CNTN4: variants seen among roughly 807,000 people sequenced by gnomAD.
CNTN4 encodes contactin 4, also known as contactin-4.
Under a neutral mutation model 122.5 loss-of-function variants are expected in CNTN4, and 77 were observed. That is an observed-to-expected ratio of 0.63 (90% CI 0.52 to 0.76). The LOEUF (loss-of-function observed/expected upper bound fraction) is 0.76. Ranked by LOEUF, CNTN4 falls within the 30% of genes least tolerant of loss-of-function variation. The probability of loss-of-function intolerance (pLI) is 0.00; values close to 1 mark genes in which losing one functional copy is unlikely to be tolerated. For missense variants in CNTN4, 1,256 were observed against 1,259.1 expected (o/e 1.00, Z 0.04); for synonymous variants, 512 against 447.0 (o/e 1.15, Z -1.83).
At chr3:2,455,573 T>C in intron 3 of CNTN4, among the ~76,000 whole-genome samples, 1 of 152,064 alleles carries the variant, frequency 6.6e-6, no homozygotes, top group Non-Finnish European at 1.5e-5. Context: ...TGGTAGTGGA[T>C]CAGAAGAAGG....
intron 12 of CNTN4, among the ~76,000 whole-genome samples, chr3:2,921,307 G>A (rs1415231997): frequency 6.6e-6 from 1 of 152,210 alleles, no homozygotes. Context: ...AAAGTGCTGG[G>A]ATTACAGGCG....
chr3:2,827,216 A>G (rs2093005504), intron 7 of CNTN4, among the ~76,000 whole-genome samples: 1 of 151,982 alleles, frequency 6.6e-6, no homozygotes, highest in Non-Finnish European at 1.5e-5. Flanking sequence ...TTCTCTCATT[A>G]CCTTTTTCAG....
chr3:2,904,041 C>A (rs1419077199), intron 12 of CNTN4, among the ~76,000 whole-genome samples: 6 of 151,902 alleles, frequency 3.9e-5, no homozygotes, highest in African/African-American at 1.5e-4. Flanking sequence ...AAAGTTAAGA[C>A]CAACAGCTTG....
At chr3:2,104,279 T>C (rs1327308490) in intron 2 of CNTN4, among the ~76,000 whole-genome samples, 3 of 151,926 alleles carry the variant, frequency 2.0e-5, no homozygotes, top group Non-Finnish European at 4.4e-5. Flanking sequence ...CTTCTTATGA[T>C]TTAATGGGGT....
intron 6 of CNTN4, among the ~76,000 whole-genome samples, chr3:2,781,656 G>A (rs2091570631): frequency 6.7e-6 from 1 of 149,854 alleles, no homozygotes; most frequent in Non-Finnish European, 1.5e-5. Context: ...GAAATACATT[G>A]TATTCCTCCA....
chr3:2,266,430 CTCTTTAAGCCTACTTT>C (rs955709812), intron 2 of CNTN4, among the ~76,000 whole-genome samples: 26 of 152,168 alleles, frequency 1.7e-4, no homozygotes, highest in Admixed American at 8.5e-4. Context: ...ACTAATTTTT[CTCTTTAAGCCTACTTT>C]TCTTCATTTC....
At position 2,760,380 on chromosome 3, in the gene CNTN4, A is replaced by AT. The variant is rs888583980; in HGVS notation, c.358+14692dup. Among the ~76,000 whole-genome samples the AT allele has an allele frequency of 1.6e-3, 236 of 151,226 alleles. 1 individual carries two copies. The highest frequency in any genetic ancestry group is 7.3e-3 in the South Asian group (35 of 4,772). ...GTTGAAGTATTCGTTCAAAAGAATG[A>AT]TTTTTTTTTCAGATTCTTTCTTTTG... On this transcript the variant is annotated intron_variant, in intron 6 of 24. Transcript: ENST00000418658.
intron 2 of CNTN4, among the ~76,000 whole-genome samples, chr3:2,234,627 C>T (rs754966557): frequency 1.3e-5 from 2 of 151,944 alleles, no homozygotes; most frequent in Admixed American, 6.6e-5. Context: ...AGGAAAAAGT[C>T]AAATAATTTT....
chr3:2,406,145 T>C (rs1337023955), intron 3 of CNTN4, among the ~76,000 whole-genome samples: 2 of 152,158 alleles, frequency 1.3e-5, no homozygotes, highest in African/African-American at 4.8e-5. Flanking sequence ...CATTTCTTAC[T>C]CTCAAAGTAT....
chr3:2,555,634 G>T (rs1362387265), intron 3 of CNTN4, among the ~76,000 whole-genome samples: 1 of 152,174 alleles, frequency 6.6e-6, no homozygotes, highest in Non-Finnish European at 1.5e-5. Flanking sequence ...ATCACAGAAG[G>T]GAAGAGAGAG....
intron 14 of CNTN4, among the ~76,000 whole-genome samples, chr3:3,004,504 A>G (rs1219679018): frequency 2.6e-5 from 4 of 152,220 alleles, no homozygotes; most frequent in African/African-American, 9.6e-5. Context: ...ATTACAGTCC[A>G]TCTGTTCCCT....
chr3:2,637,882 C>A (rs1367252754), intron 4 of CNTN4, among the ~76,000 whole-genome samples: 1 of 152,114 alleles, frequency 6.6e-6, no homozygotes, highest in Non-Finnish European at 1.5e-5. Context: ...AATGCCTAAT[C>A]TAACTTTGAT....
At chr3:2,968,636 C>T (rs1040511034) in intron 13 of CNTN4, among the ~76,000 whole-genome samples, 1 of 152,112 alleles carries the variant, frequency 6.6e-6, no homozygotes, top group East Asian at 1.9e-4. Flanking sequence ...CCACTACTAC[C>T]ACCACCACCA....
chr3:2,887,017 CTCCTTTTTATTCTTGCTATCAGTCCAG>C lies in CNTN4; in HGVS notation c.756-21_761del. On this transcript the variant is annotated splice_acceptor_variant and splice_polypyrimidine_tract_variant and coding_sequence_variant and intron_variant, in exon 10 of 25. Coordinates refer to ENST00000418658, the MANE Select transcript of CNTN4 (RefSeq NM_175607.3). LOFTEE classifies it high-confidence loss of function. ...GTCCAGTTTTCTCTAGTTTGATTCA[CTCCTTTTTATTCTTGCTATCAGTCCAG>C]TACCAACTATTATCTGGCGAAGAGC... 6.2e-7 allele frequency: 1 copy of C among 1,607,428 alleles called. No individual in the cohort carries two copies. Among genetic ancestry groups the C allele is most frequent in the East Asian group, 2.2e-5 (1 of 44,716 alleles).
intron 2 of CNTN4, among the ~76,000 whole-genome samples, chr3:2,221,016 T>C (rs1181910709): frequency 6.6e-6 from 1 of 152,090 alleles, no homozygotes; most frequent in Non-Finnish European, 1.5e-5. Context: ...ACTGGGGCCA[T>C]CAAATAATCC....
chr3:2,888,045 G>A (rs952015797), intron 10 of CNTN4, among the ~76,000 whole-genome samples: 1 of 152,200 alleles, frequency 6.6e-6, no homozygotes, highest in Non-Finnish European at 1.5e-5. Context: ...AAAATGATGA[G>A]AGTAGTTCTG....
chr3:2,596,318 G>T (rs1010716925), intron 4 of CNTN4, among the ~76,000 whole-genome samples: 1 of 152,098 alleles, frequency 6.6e-6, no homozygotes, highest in Non-Finnish European at 1.5e-5. Flanking sequence ...ACAAATTATA[G>T]TTTATACATT....
chr3:2,564,183 GT>G (rs1246911220), intron 3 of CNTN4, among the ~76,000 whole-genome samples: 1 of 152,076 alleles, frequency 6.6e-6, no homozygotes, highest in African/African-American at 2.4e-5. Context: ...AAAGCAGTTT[GT>G]TGCCCCTGGA....
At chr3:3,043,489 C>T in intron 22 of CNTN4, 103 bp from the exon 23 acceptor site, 2 of 830,318 alleles carry the variant, frequency 2.4e-6, no homozygotes, top group East Asian at 5.2e-5. Context: ...AGTGCAATAG[C>T]CCATTAAATT....
Sources: allele counts gnomAD v4.1 joint callset (sites outside exome capture counted in the v4.1 genomes callset), GRCh38; gene constraint gnomAD v4.1.1; transcripts MANE v1.5; gene names NCBI Gene and HGNC (gene_info 2026-07-23, HGNC 2026-07-21).